SLC36A1: variants seen among roughly 807,000 people sequenced by gnomAD.
The protein encoded by SLC36A1 is proton-coupled amino acid transporter 1.
SLC36A1 carries 30 observed loss-of-function variants against 47.5 expected under a neutral mutation model. The ratio of observed to expected loss-of-function variants is 0.63; its 90% confidence interval spans 0.47 to 0.86. The LOEUF (loss-of-function observed/expected upper bound fraction) is 0.86, where lower values mean the gene tolerates loss of function less well. SLC36A1 is among the 40% of genes least tolerant of loss of function. The pLI, the probability that SLC36A1 is intolerant of heterozygous loss-of-function variation, is 0.00. For missense variants in SLC36A1, 517 were observed against 606.0 expected (o/e 0.85, Z 1.54); for synonymous variants, 255 against 249.7 (o/e 1.02, Z -0.20).
chr5:151,440,787 C>A (rs1447185514), intron 1 of SLC36A1, among the ~76,000 whole-genome samples: 1 of 151,992 alleles, frequency 6.6e-6, no homozygotes, highest in African/African-American at 2.4e-5. Context: ...AAATGGAGAT[C>A]AAAAGTCTTG....
the SLC36A1 span, among the ~76,000 whole-genome samples, chr5:151,414,091 G>A: frequency 6.6e-6 from 1 of 152,042 alleles, no homozygotes; most frequent in African/African-American, 2.4e-5. Flanking sequence ...CCCTCTATGA[G>A]CTCACAGGCT....
intron 1 of SLC36A1, among the ~76,000 whole-genome samples, chr5:151,438,357 A>G (rs1039426207): frequency 1.3e-5 from 2 of 151,962 alleles, no homozygotes; most frequent in East Asian, 1.9e-4. Flanking sequence ...AACACTTTAT[A>G]TGTCCTTGAG....
the SLC36A1 span, among the ~76,000 whole-genome samples, chr5:151,500,646 G>T: frequency 2.6e-5 from 4 of 152,236 alleles, no homozygotes; most frequent in African/African-American, 9.6e-5. Flanking sequence ...GGGATTACAG[G>T]TGGGAGCCAC....
At chr5:151,479,750 C>T (rs1758564115) in intron 10 of SLC36A1, 2 of 533,214 alleles carry the variant, frequency 3.8e-6, no homozygotes, top group Admixed American at 7.0e-5. Flanking sequence ...AGGTGGTTAT[C>T]ATTCAGAGTA....
chr5:151,374,565 A>G, the SLC36A1 span, among the ~76,000 whole-genome samples: 8 of 152,202 alleles, frequency 5.3e-5, no homozygotes, highest in Admixed American at 2.6e-4. Flanking sequence ...TCATAAAATA[A>G]TTTCTTTTCT....
At chr5:151,548,319 TATC>T in the SLC36A1 span, among the ~76,000 whole-genome samples, 3 of 151,626 alleles carry the variant, frequency 2.0e-5, no homozygotes, top group East Asian at 1.9e-4. Context: ...TACTATTAAA[TATC>T]ATTAATTATG....
the SLC36A1 span, among the ~76,000 whole-genome samples, chr5:151,356,504 T>TAGTC: frequency 2.0e-5 from 3 of 152,070 alleles, no homozygotes; most frequent in African/African-American, 7.2e-5. Context: ...TTCCCTTTCA[T>TAGTC]CCTTAGGAAC....
the SLC36A1 span, among the ~76,000 whole-genome samples, chr5:151,389,707 C>T: frequency 1.3e-5 from 2 of 151,984 alleles, no homozygotes; most frequent in African/African-American, 4.8e-5. Flanking sequence ...TGGTTTCCAG[C>T]TTCATCCATG....
chr5:151,496,339 T>C (rs1326098874), downstream of SLC36A1, among the ~76,000 whole-genome samples: 1 of 152,232 alleles, frequency 6.6e-6, no homozygotes, highest in East Asian at 1.9e-4. Flanking sequence ...TAAACCTCTT[T>C]CTTTTGTAAA....
the SLC36A1 span, among the ~76,000 whole-genome samples, chr5:151,427,921 G>A: frequency 6.6e-6 from 1 of 152,168 alleles, no homozygotes; most frequent in Non-Finnish European, 1.5e-5. Flanking sequence ...ACTCCTGGAA[G>A]CTACAGTTCT....
chr5:151,527,451 A>G, the SLC36A1 span: 1 of 1,402,332 alleles, frequency 7.1e-7, no homozygotes, highest in South Asian at 1.5e-5. Context: ...GTCATCACTA[A>G]TATTTTCAAA....
chr5:151,396,759 C>T, the SLC36A1 span, among the ~76,000 whole-genome samples: 75,114 of 151,664 alleles, frequency 0.5, 20,556 homozygotes, highest in African/African-American at 0.75. Flanking sequence ...GTGCTAAGGT[C>T]TGCACTTGGA....
the SLC36A1 span, chr5:151,507,363 A>C: frequency 6.2e-7 from 1 of 1,614,150 alleles, no homozygotes; most frequent in East Asian, 2.2e-5. Flanking sequence ...CAATGGGTTG[A>C]GCTCGATGGC....
chr5:151,347,211 G>T, the SLC36A1 span: 4 of 1,517,600 alleles, frequency 2.6e-6, no homozygotes, highest in Non-Finnish European at 3.7e-6. Flanking sequence ...GTGGGTTGAG[G>T]GTCAGACACA....
chr5:151,444,869 ATAGGATGATGTCACC>A (rs1464071691), upstream of SLC36A1, among the ~76,000 whole-genome samples: 1 of 152,214 alleles, frequency 6.6e-6, no homozygotes, highest in Non-Finnish European at 1.5e-5. Context: ...TTTTCTACAT[ATAGGATGATGTCACC>A]TGCAGATAAA....
chr5:151,542,293 T>C, the SLC36A1 span: 63 of 1,595,860 alleles, frequency 3.9e-5, no homozygotes, highest in Non-Finnish European at 4.3e-6. Flanking sequence ...ACCTGTGATG[T>C]AGCAGGTGAC....
chr5:151,353,647 G>A, the SLC36A1 span, among the ~76,000 whole-genome samples: 14 of 152,138 alleles, frequency 9.2e-5, no homozygotes, highest in East Asian at 1.9e-4. Flanking sequence ...GTCTAATGGC[G>A]TGTATCTACC....
At chr5:151,498,939 TC>T in the SLC36A1 span, among the ~76,000 whole-genome samples, 1 of 152,206 alleles carries the variant, frequency 6.6e-6, no homozygotes, top group Admixed American at 6.5e-5. Context: ...ACGTGGCTGC[TC>T]GGCCACTTTC....
chr5:151,462,897 A>G (rs893475172), intron 2 of SLC36A1, among the ~76,000 whole-genome samples: 5 of 146,882 alleles, frequency 3.4e-5, no homozygotes, highest in Non-Finnish European at 1.5e-5. Flanking sequence ...TTTTTTTGAG[A>G]TGGAGTCTCC....
Sources: gnomAD v4.1 joint callset for allele counts (sites outside exome capture counted in the v4.1 genomes callset) on GRCh38, gnomAD v4.1.1 for gene constraint, MANE v1.5 for transcripts, NCBI Gene and HGNC (gene_info 2026-07-23, HGNC 2026-07-21) for gene names.